Variants in RBFOX1 observed in about 807,000 individuals in gnomAD.
The protein encoded by RBFOX1 is RNA binding fox-1 homolog 1.
A neutral mutation model predicts 57.7 loss-of-function variants in RBFOX1; 8 were observed. The observed-to-expected ratio is 0.14, with a 90% CI of 0.08 to 0.25. The LOEUF (loss-of-function observed/expected upper bound fraction) is 0.25. RBFOX1 is among the 10% of genes least tolerant of loss of function. RBFOX1 has a pLI of 1.00. For missense variants in RBFOX1, 611 were observed against 548.5 expected (o/e 1.11, Z -1.14); for synonymous variants, 326 against 222.4 (o/e 1.47, Z -4.15).
At chr16:6,780,545 CAT>C (rs1215335526) in intron 3 of RBFOX1, among the ~76,000 whole-genome samples, 6 of 112,184 alleles carry the variant, frequency 5.3e-5, no homozygotes, top group Non-Finnish European at 1.1e-4. Context: ...TATACATTTA[CAT>C]ATATATTTAC....
intron 1 of RBFOX1, among the ~76,000 whole-genome samples, chr16:6,234,790 C>G (rs1199086820): frequency 6.6e-6 from 1 of 151,572 alleles, no homozygotes; most frequent in Non-Finnish European, 1.5e-5. Context: ...TACACATGAA[C>G]CACACATACG....
intron 2 of RBFOX1, among the ~76,000 whole-genome samples, chr16:6,539,412 G>A (rs1305966018): frequency 6.6e-6 from 1 of 152,078 alleles, no homozygotes; most frequent in Admixed American, 6.5e-5. Context: ...CATCAACGCT[G>A]GCTGTTATTG....
chr16:6,509,297 C>G (rs1008427190), intron 2 of RBFOX1, among the ~76,000 whole-genome samples: 11 of 152,088 alleles, frequency 7.2e-5, no homozygotes, highest in Admixed American at 6.5e-4. Flanking sequence ...AATCCCTTGT[C>G]AGATAAATTG....
intron 2 of RBFOX1, among the ~76,000 whole-genome samples, chr16:5,562,597 A>G (rs2151110432): frequency 6.6e-6 from 1 of 152,224 alleles, no homozygotes; most frequent in African/African-American, 2.4e-5. Flanking sequence ...GTTTTCTAGG[A>G]TAGAAATGGG....
intron 2 of RBFOX1, among the ~76,000 whole-genome samples, chr16:6,455,562 T>C (rs748318757): frequency 7.9e-5 from 12 of 152,172 alleles, no homozygotes; most frequent in South Asian, 2.1e-4. Flanking sequence ...ACGATCACCA[T>C]AAAACTATGA....
intron 4 of RBFOX1, among the ~76,000 whole-genome samples, chr16:7,076,967 A>G (rs1416217378): frequency 6.6e-6 from 1 of 152,220 alleles, no homozygotes; most frequent in African/African-American, 2.4e-5. Flanking sequence ...ACAGCTTGGA[A>G]ATGTGCAGTG....
chr16:7,041,072 C>T (rs148192840), intron 3 of RBFOX1, among the ~76,000 whole-genome samples: 2,446 of 147,216 alleles, frequency 0.017, 74 homozygotes, highest in African/African-American at 0.058. Context: ...AGTGCCAACA[C>T]GCCCAGCTAA....
At position 6,773,828 on chromosome 16, in the gene RBFOX1, G is replaced by T. The variant is rs376635951; in HGVS notation, c.-16+119178G>T. 8.0e-5 allele frequency: 27 copies of T among 337,020 alleles called. No homozygotes were observed. In the East Asian group the frequency reaches 1.5e-3, roughly 19 times the overall value. 20.9% of individuals were successfully genotyped at this position (337,020 alleles called of 1,614,324 possible). Reference sequence around the variant, plus strand: ...AGTTTGGTGCATTTGTGTTGTGGGGGCATGGGGTGCATTTGTGTGTATATA... The same window carrying T: ...AGTTTGGTGCATTTGTGTTGTGGGGTCATGGGGTGCATTTGTGTGTATATA... On this transcript the variant is annotated intron_variant, in intron 3 of 15. Coordinates refer to ENST00000550418, the MANE Select transcript of RBFOX1 (RefSeq NM_018723.4).
At chr16:6,832,539 G>C (rs138811623) in intron 3 of RBFOX1, among the ~76,000 whole-genome samples, 9 of 152,306 alleles carry the variant, frequency 5.9e-5, no homozygotes, top group African/African-American at 2.2e-4. Context: ...CTCTTGCTTA[G>C]TATGAATGTC....
At chr16:6,127,875 T>C (rs930769928) in intron 1 of RBFOX1, among the ~76,000 whole-genome samples, 10 of 152,176 alleles carry the variant, frequency 6.6e-5, no homozygotes, top group African/African-American at 2.4e-4. Context: ...AAAAGGGAAG[T>C]TTTTGACCTG....
chr16:5,491,477 G>A (rs970227433), intron 2 of RBFOX1, among the ~76,000 whole-genome samples: 6 of 152,160 alleles, frequency 3.9e-5, no homozygotes, highest in Non-Finnish European at 8.8e-5. Flanking sequence ...GAATTTTATA[G>A]GAGCACTGTT....
At chr16:7,512,001 G>A (rs1242007889) in intron 4 of RBFOX1, among the ~76,000 whole-genome samples, 1 of 152,120 alleles carries the variant, frequency 6.6e-6, no homozygotes, top group Non-Finnish European at 1.5e-5. Context: ...GATGATGTGG[G>A]GAACACTTGT....
rs1388063094 is a variant in RBFOX1 at position 7,139,176 on chromosome 16, CTG to C, written c.27+87098_27+87099del. Among the ~76,000 whole-genome samples the C allele has an allele frequency of 7.4e-4, 108 of 145,786 alleles. 1 individual carries two copies. Among genetic ancestry groups the C allele is most frequent in the Admixed American group, 7.5e-4 (11 of 14,638 alleles). On this transcript the variant is annotated intron_variant, in intron 4 of 15. Transcript: ENST00000550418. Reference sequence around the variant, plus strand: ...TAATGCAGATGAAATCAATCTCTCTCTGTGTGTGTGTGTGTGTGTGTATGTGT... The same window carrying C: ...TAATGCAGATGAAATCAATCTCTCTCTGTGTGTGTGTGTGTGTGTATGTGT...
chr16:6,752,419 G>A (rs951807051), intron 3 of RBFOX1, among the ~76,000 whole-genome samples: 1 of 152,134 alleles, frequency 6.6e-6, no homozygotes, highest in African/African-American at 2.4e-5. Context: ...ACAAGGAAGT[G>A]ATAGCTCCAT....
chr16:5,351,939 G>A (rs991870861), intron 1 of RBFOX1, among the ~76,000 whole-genome samples: 1 of 152,120 alleles, frequency 6.6e-6, no homozygotes, highest in African/African-American at 2.4e-5. Context: ...GAGTAGCTGG[G>A]ATTACAGGCG....
intron 2 of RBFOX1, among the ~76,000 whole-genome samples, chr16:6,527,058 G>C (rs1307392209): frequency 1.3e-5 from 2 of 151,798 alleles, no homozygotes; most frequent in Non-Finnish European, 2.9e-5. Flanking sequence ...AAAAGAATTT[G>C]ACTATATTTT....
intron 3 of RBFOX1, among the ~76,000 whole-genome samples, chr16:7,006,288 G>T (rs1477301703): frequency 6.6e-6 from 1 of 152,026 alleles, no homozygotes; most frequent in African/African-American, 2.4e-5. Flanking sequence ...TCGAGTAGCT[G>T]GGATTACAGG....
intron 4 of RBFOX1, among the ~76,000 whole-genome samples, chr16:7,339,891 C>A (rs1471550019): frequency 4.6e-5 from 7 of 152,224 alleles, no homozygotes; most frequent in Non-Finnish European, 7.3e-5. Flanking sequence ...CTCCACCTCT[C>A]CACAGTGGTT....
At chr16:7,483,009 G>T (rs369689725) in intron 4 of RBFOX1, among the ~76,000 whole-genome samples, 1 of 152,226 alleles carries the variant, frequency 6.6e-6, no homozygotes, top group Non-Finnish European at 1.5e-5. Flanking sequence ...ATTTTCCCAG[G>T]TCATGAACCT....
Sources: allele counts gnomAD v4.1 joint callset (sites outside exome capture counted in the v4.1 genomes callset), GRCh38; gene constraint gnomAD v4.1.1; transcripts MANE v1.5; gene names NCBI Gene and HGNC (gene_info 2026-07-23, HGNC 2026-07-21).